Variants in ALDH3A2 observed in about 807,000 individuals in gnomAD.
The protein encoded by ALDH3A2 is aldehyde dehydrogenase family 3 member A2.
ALDH3A2 carries 36 observed loss-of-function variants against 51.3 expected under a neutral mutation model. The observed-to-expected ratio is 0.70, with a 90% confidence interval of 0.54 to 0.93. The LOEUF is 0.93. Ranked by LOEUF, ALDH3A2 falls within the 40% of genes least tolerant of loss-of-function variation. The pLI, the probability that ALDH3A2 is intolerant of heterozygous loss-of-function variation, is 0.00. For missense variants in ALDH3A2, 552 were observed against 603.1 expected (o/e 0.92, Z 0.89); for synonymous variants, 199 against 219.8 (o/e 0.91, Z 0.84).
At chr17:19,663,113 G>A (rs766752827) in intron 6 of ALDH3A2, among the ~76,000 whole-genome samples, 19 of 152,182 alleles carry the variant, frequency 1.2e-4, no homozygotes, top group Non-Finnish European at 2.4e-4. Flanking sequence ...AGTGTGTATC[G>A]TTCCCTTGGT....
chr17:19,675,193 A>G (rs1192404569), intron 9 of ALDH3A2: 1 of 214,922 alleles, frequency 4.7e-6, no homozygotes, highest in African/African-American at 2.3e-5. Flanking sequence ...ATTGTATACC[A>G]GTTTTTGAAT....
At chr17:19,673,605 C>T (rs1221238032) in intron 9 of ALDH3A2, among the ~76,000 whole-genome samples, 1 of 151,884 alleles carries the variant, frequency 6.6e-6, no homozygotes, top group Non-Finnish European at 1.5e-5. Flanking sequence ...GTAGTCCCAG[C>T]TACTAGGGAG....
intron 8 of ALDH3A2, among the ~76,000 whole-genome samples, chr17:19,667,345 T>C (rs955060642): frequency 2.6e-5 from 4 of 152,324 alleles, no homozygotes; most frequent in African/African-American, 9.6e-5. Flanking sequence ...TTTTTTGGTA[T>C]TACGATTCTT....
intron 8 of ALDH3A2, among the ~76,000 whole-genome samples, 172 bp downstream of exon 8, chr17:19,665,219 C>A (rs1483986708): frequency 6.6e-6 from 1 of 152,134 alleles, no homozygotes; most frequent in African/African-American, 2.4e-5. Flanking sequence ...TCCCCACCCA[C>A]CCCTCCAGCA....
intron 8 of ALDH3A2, among the ~76,000 whole-genome samples, chr17:19,665,474 T>A (rs1303614341): frequency 6.7e-6 from 1 of 150,146 alleles, no homozygotes; most frequent in Non-Finnish European, 1.5e-5. Context: ...GGTAGAGGGG[T>A]TTTCTAATGT....
At chr17:19,659,379 G>GA (rs1025406562) in intron 5 of ALDH3A2, among the ~76,000 whole-genome samples, 1 of 151,606 alleles carries the variant, frequency 6.6e-6, no homozygotes, top group African/African-American at 2.4e-5. Context: ...GTCTACAAAA[G>GA]AAAAAAAGGT....
At chr17:19,669,884 C>T (rs2085089366) in intron 8 of ALDH3A2, among the ~76,000 whole-genome samples, 1 of 152,148 alleles carries the variant, frequency 6.6e-6, no homozygotes, top group Admixed American at 6.5e-5. Flanking sequence ...AAGCAATCCT[C>T]CCACCTCAGC....
intron 8 of ALDH3A2, among the ~76,000 whole-genome samples, chr17:19,665,428 G>A (rs1268693107): frequency 1.3e-5 from 2 of 148,356 alleles, no homozygotes; most frequent in Non-Finnish European, 3.0e-5. Flanking sequence ...GTTTAATGAA[G>A]TAGCAAATGA....
intron 1 of ALDH3A2, chr17:19,649,426 G>T: frequency 1.2e-5 from 4 of 347,212 alleles, no homozygotes; most frequent in South Asian, 1.1e-4. Flanking sequence ...TGTATATTCT[G>T]GATTTAAGTA....
chr17:19,663,624 T>G (rs1188323581), intron 7 of ALDH3A2, 125 bp downstream of exon 7: 3 of 1,162,514 alleles, frequency 2.6e-6, no homozygotes, highest in Non-Finnish European at 3.7e-6. Context: ...CATGTCAGAG[T>G]CCATCCACTA....
In ALDH3A2 at chr17:19,648,812, G is replaced by T; in HGVS notation, c.-160G>T. 1 of 1,022,130 alleles carries T rather than the reference G, an allele frequency of 9.8e-7. No homozygotes were observed. The highest frequency in any genetic ancestry group is 1.4e-6 in the Non-Finnish European group (1 of 706,526). 63.3% of individuals were successfully genotyped at this position (1,022,130 alleles called of 1,614,324 possible). On this transcript the variant is annotated 5_prime_UTR_variant, in exon 1 of 10. Coordinates refer to ENST00000176643, the MANE Select transcript of ALDH3A2 (RefSeq NM_000382.3). ...CAGCGGGCGTGGAGGTCGCGGCTGAGCGAGCGAGCCCTGGGCGAGTGAATT... is the reference window on the plus strand; with the variant it reads ...CAGCGGGCGTGGAGGTCGCGGCTGATCGAGCGAGCCCTGGGCGAGTGAATT...
Position 19,675,997 on chromosome 17 carries a change from C to A in ALDH3A2, c.*425C>A. ...GTACTTCCCAGGGCTACCGGCAGTC[C>A]TCTGTAGTCCAGAGAGGTGAGATTA... On this transcript the variant is annotated 3_prime_UTR_variant, in exon 10 of 10. Transcript: ENST00000176643. 1 of 241,680 alleles carries A rather than the reference C, an allele frequency of 4.1e-6. No homozygotes were observed. The highest frequency in any genetic ancestry group is 5.5e-5 in the South Asian group (1 of 18,272). 15.0% of individuals were successfully genotyped at this position (241,680 alleles called of 1,614,324 possible).
chr17:19,661,690 C>T (rs1470697611), intron 6 of ALDH3A2, among the ~76,000 whole-genome samples: 2 of 152,074 alleles, frequency 1.3e-5, no homozygotes, highest in African/African-American at 4.8e-5. Flanking sequence ...TATTTGTGTA[C>T]CTTCTTTGTG....
At chr17:19,658,528 C>T (rs2152329060) in intron 5 of ALDH3A2, among the ~76,000 whole-genome samples, 1 of 151,920 alleles carries the variant, frequency 6.6e-6, no homozygotes, top group Middle Eastern at 3.4e-3. Context: ...AGTTCAAGAC[C>T]AGCCTGGCCA....
At chr17:19,665,581 C>T (rs559226072) in intron 8 of ALDH3A2, among the ~76,000 whole-genome samples, 90 of 152,178 alleles carry the variant, frequency 5.9e-4, no homozygotes, top group African/African-American at 2.1e-3. Flanking sequence ...TTGAGTAAAA[C>T]GGGACTCCCC....
chr17:19,662,017 G>T (rs1417492490), intron 6 of ALDH3A2: 1 of 151,964 alleles, frequency 6.6e-6, no homozygotes, highest in Non-Finnish European at 1.5e-5. Flanking sequence ...TTTGTACTAG[G>T]ATGCAAAAGA....
At chr17:19,652,685 C>G in intron 3 of ALDH3A2, 53 bp downstream of exon 3, 1 of 1,428,590 alleles carries the variant, frequency 7.0e-7, no homozygotes, top group Non-Finnish European at 9.9e-7. Context: ...GGAAAACACA[C>G]ATTTTATTTT....
intron 6 of ALDH3A2, 143 bp from the exon 7 acceptor site, chr17:19,663,190 C>A: frequency 2.2e-6 from 2 of 895,070 alleles, no homozygotes; most frequent in Non-Finnish European, 1.8e-6. Flanking sequence ...CACAGTTCAT[C>A]CACGTGCTCA....
At chr17:19,674,886 T>G (rs1047581879) in intron 9 of ALDH3A2, 1 of 152,326 alleles carries the variant, frequency 6.6e-6, no homozygotes, top group Admixed American at 6.5e-5. Flanking sequence ...AATAGTTTCC[T>G]TATTTTGTTA....
Sources: allele counts gnomAD v4.1 joint callset (sites outside exome capture counted in the v4.1 genomes callset), GRCh38; gene constraint gnomAD v4.1.1; transcripts MANE v1.5; gene names NCBI Gene and HGNC (gene_info 2026-07-23, HGNC 2026-07-21).